Variants in NAALADL2 observed in about 807,000 individuals in gnomAD.
NAALADL2 encodes the protein inactive N-acetylated-alpha-linked acidic dipeptidase-like protein 2.
Under a neutral mutation model 87.2 loss-of-function variants are expected in NAALADL2, and 76 were observed. The ratio of observed to expected loss-of-function variants is 0.87; its 90% CI spans 0.72 to 1.05. The LOEUF (loss-of-function observed/expected upper bound fraction) is 1.05. Among genes scored for constraint, NAALADL2 ranks in the 50% least tolerant of loss-of-function variants. NAALADL2 has a pLI of 0.00. For missense variants in NAALADL2, 1,089 were observed against 945.8 expected (o/e 1.15, Z -1.99); for synonymous variants, 354 against 331.0 (o/e 1.07, Z -0.75).
At chr3:175,677,579 A>G (rs1734991399) in intron 11 of NAALADL2, among the ~76,000 whole-genome samples, 1 of 151,288 alleles carries the variant, frequency 6.6e-6, no homozygotes, top group East Asian at 2.0e-4. Context: ...AAAATAGCTC[A>G]TTGGTAATTT....
intron 1 of NAALADL2, among the ~76,000 whole-genome samples, chr3:174,474,782 G>A (rs188470165): frequency 6.6e-6 from 1 of 152,134 alleles, no homozygotes; most frequent in East Asian, 1.9e-4. Flanking sequence ...CTAACCATGT[G>A]GGATATGCAG....
intron 11 of NAALADL2, among the ~76,000 whole-genome samples, chr3:175,628,435 TAAAG>T (rs1413617453): frequency 6.6e-6 from 1 of 151,576 alleles, no homozygotes; most frequent in East Asian, 1.9e-4. Context: ...GTTAATTACA[TAAAG>T]AAAATTAAAT....
chr3:174,615,783 A>G (rs2108652866), intron 2 of NAALADL2, among the ~76,000 whole-genome samples: 1 of 152,148 alleles, frequency 6.6e-6, no homozygotes, highest in South Asian at 2.1e-4. Flanking sequence ...GAGTTTAACT[A>G]TAAATTTTAA....
intron 13 of NAALADL2, among the ~76,000 whole-genome samples, chr3:175,787,108 T>C (rs1172038313): frequency 3.9e-5 from 6 of 152,124 alleles, no homozygotes; most frequent in African/African-American, 1.4e-4. Context: ...ACCACTGCTC[T>C]CTTCAAAGCT....
At chr3:174,767,390 A>C (rs539446662) in intron 3 of NAALADL2, among the ~76,000 whole-genome samples, 3 of 152,182 alleles carry the variant, frequency 2.0e-5, no homozygotes, top group South Asian at 4.1e-4. Context: ...GAAACACATC[A>C]CTCTAAACTT....
At position 174,930,614 on chromosome 3, in the gene NAALADL2, C is replaced by CTTTTTT. The variant is rs760690405; in HGVS notation, c.43+71184_43+71189dup. 1.1e-3 allele frequency among the ~76,000 whole-genome samples: 75 copies of CTTTTTT among 66,814 alleles called. 10 individuals carry two copies. The highest frequency in any genetic ancestry group is 3.1e-3 in the African/African-American group (49 of 15,784). 43.8% of individuals were successfully genotyped at this position (66,814 alleles called of 152,430 possible). ...TTGCAAGTCCTTTAAATAAGATGAA[C>CTTTTTT]TTTTTTTTTTTTTTTTTTTTTTTTT... On this transcript the variant is annotated intron_variant, in intron 1 of 13. Coordinates refer to ENST00000454872, the MANE Select transcript of NAALADL2 (RefSeq NM_207015.3).
intron 3 of NAALADL2, among the ~76,000 whole-genome samples, chr3:174,769,568 AT>A (rs1406027472): frequency 6.6e-6 from 1 of 151,518 alleles, no homozygotes; most frequent in Non-Finnish European, 1.5e-5. Flanking sequence ...AACATTCTAA[AT>A]TATTTTTATT....
intron 12 of NAALADL2, among the ~76,000 whole-genome samples, chr3:175,740,737 C>T (rs1011358925): frequency 3.3e-5 from 5 of 152,170 alleles, no homozygotes; most frequent in Non-Finnish European, 5.9e-5. Flanking sequence ...GTACCTAGGG[C>T]GGACATGTTC....
intron 5 of NAALADL2, among the ~76,000 whole-genome samples, chr3:175,445,749 A>G (rs1720586258): frequency 6.6e-6 from 1 of 152,152 alleles, no homozygotes; most frequent in Non-Finnish European, 1.5e-5. Context: ...CCTTTAAGCT[A>G]ATAATTGTCT....
At chr3:175,305,189 TG>T (rs908058309) in intron 4 of NAALADL2, among the ~76,000 whole-genome samples, 3 of 152,104 alleles carry the variant, frequency 2.0e-5, no homozygotes, top group Admixed American at 6.6e-5. Flanking sequence ...GTTCCCCTTG[TG>T]GCCACATGTA....
chr3:175,446,851 G>C (rs1011041713), intron 5 of NAALADL2, among the ~76,000 whole-genome samples: 1 of 152,026 alleles, frequency 6.6e-6, no homozygotes, highest in African/African-American at 2.4e-5. Context: ...TTCCCCCTCA[G>C]GTCTTACATC....
chr3:174,471,492 GT>G (rs1171036368), intron 1 of NAALADL2, among the ~76,000 whole-genome samples: 1 of 151,948 alleles, frequency 6.6e-6, no homozygotes, highest in Non-Finnish European at 1.5e-5. Context: ...TGTTTAGTCT[GT>G]TTTGAAACTA....
At chr3:175,019,463 G>T (rs1751286798) in intron 1 of NAALADL2, among the ~76,000 whole-genome samples, 2 of 151,942 alleles carry the variant, frequency 1.3e-5, no homozygotes, top group Admixed American at 6.6e-5. Context: ...TTGCTCATAA[G>T]CTTCAGCTAG....
chr3:175,478,591 C>T (rs560944431), intron 9 of NAALADL2, among the ~76,000 whole-genome samples: 1 of 152,016 alleles, frequency 6.6e-6, no homozygotes, highest in South Asian at 2.1e-4. Flanking sequence ...GAAATCCAAA[C>T]AATTTGAAAC....
At chr3:175,713,693 T>G (rs2150008438) in intron 11 of NAALADL2, among the ~76,000 whole-genome samples, 1 of 152,250 alleles carries the variant, frequency 6.6e-6, no homozygotes, top group African/African-American at 2.4e-5. Flanking sequence ...CTTTATTCTT[T>G]TTTGTTTGTT....
intron 11 of NAALADL2, among the ~76,000 whole-genome samples, chr3:175,686,094 T>G (rs1203940919): frequency 1.3e-5 from 2 of 152,202 alleles, no homozygotes; most frequent in African/African-American, 4.8e-5. Context: ...TTCTTAAATG[T>G]CTAATGGTTC....
chr3:174,897,396 G>A (rs1175444756), intron 1 of NAALADL2, among the ~76,000 whole-genome samples: 1 of 148,632 alleles, frequency 6.7e-6, no homozygotes, highest in Non-Finnish European at 1.5e-5. Context: ...ACATACAAAT[G>A]GCAAACTGGT....
intron 2 of NAALADL2, among the ~76,000 whole-genome samples, chr3:175,118,342 C>T (rs6809556): frequency 0.61 from 91,605 of 151,408 alleles, 28,220 homozygotes; most frequent in African/African-American, 0.73. Flanking sequence ...CAGAACTAAA[C>T]TGAGTTGCCT....
At chr3:175,609,268 A>G (rs1453564695) in intron 10 of NAALADL2, among the ~76,000 whole-genome samples, 1 of 152,182 alleles carries the variant, frequency 6.6e-6, no homozygotes, top group Admixed American at 6.6e-5. Flanking sequence ...GAAGTGTACA[A>G]AGAACATAGA....
Sources: allele counts gnomAD v4.1 joint callset (sites outside exome capture counted in the v4.1 genomes callset), GRCh38; gene constraint gnomAD v4.1.1; transcripts MANE v1.5; gene names NCBI Gene and HGNC (gene_info 2026-07-23, HGNC 2026-07-21).